Variants in MAP3K5 observed in about 807,000 individuals in gnomAD.
MAP3K5 encodes the protein mitogen-activated protein kinase kinase kinase 5.
MAP3K5 carries 56 observed loss-of-function variants against 158.7 expected under a neutral mutation model. The ratio of observed to expected loss-of-function variants is 0.35; its 90% CI spans 0.28 to 0.44. The LOEUF is 0.44. Among genes scored for constraint, MAP3K5 ranks in the 20% least tolerant of loss-of-function variants. The pLI, the probability that MAP3K5 is intolerant of heterozygous loss-of-function variation, is 1.00. For synonymous variants in MAP3K5, 579 were observed against 601.7 expected (o/e 0.96, Z 0.55); for missense variants, 1,294 against 1,674.8 (o/e 0.77, Z 3.97).
intron 1 of MAP3K5, among the ~76,000 whole-genome samples, chr6:136,725,983 C>T (rs1781948045): frequency 6.6e-6 from 1 of 152,162 alleles, no homozygotes; most frequent in Admixed American, 6.5e-5. Context: ...GGTGGGTTTT[C>T]TTCTGGATTC....
intron 2 of MAP3K5, among the ~76,000 whole-genome samples, chr6:136,719,938 T>A (rs982286544): frequency 2.0e-5 from 3 of 152,204 alleles, no homozygotes; most frequent in Non-Finnish European, 2.9e-5. Context: ...GAGAATGACA[T>A]CGAGACAGGT....
At chr6:136,663,122 C>T (rs59083613) in intron 8 of MAP3K5, among the ~76,000 whole-genome samples, 5 of 151,992 alleles carry the variant, frequency 3.3e-5, no homozygotes, top group Middle Eastern at 3.2e-3. Flanking sequence ...TACACCACCA[C>T]GATGAGTTAG....
intron 1 of MAP3K5, among the ~76,000 whole-genome samples, chr6:136,754,297 G>A (rs957860573): frequency 6.6e-6 from 1 of 151,656 alleles, no homozygotes; most frequent in Non-Finnish European, 1.5e-5. Context: ...GAAAATCCCA[G>A]GCTGGGTGCA....
Position 136,656,718 on chromosome 6 carries a change from G to A in MAP3K5, c.1527-258C>T, listed in dbSNP as rs556530087. ...CGGCTCACTGCAAGCTCCGCCTGCC[G>A]GGTTCATGCCATTCTGCCTCAGCCT... On this transcript the variant is annotated intron_variant, in intron 9 of 29. Coordinates refer to ENST00000359015, the MANE Select transcript of MAP3K5 (RefSeq NM_005923.4). Among the ~76,000 whole-genome samples the A allele has an allele frequency of 1.3e-3, 193 of 151,840 alleles. 1 individual carries two copies. The highest frequency in any genetic ancestry group is 4.3e-3 in the African/African-American group (180 of 41,380).
chr6:136,690,785 T>C (rs1242938406), intron 7 of MAP3K5, among the ~76,000 whole-genome samples: 2 of 152,182 alleles, frequency 1.3e-5, no homozygotes, highest in Non-Finnish European at 2.9e-5. Flanking sequence ...TATTCATATA[T>C]TTATCATTTC....
Position 136,792,410 on chromosome 6 carries a change from G to C in MAP3K5, c.-253C>G, listed in dbSNP as rs1338071941. ...CCCTCTGCAGAGTTTAGAGTACAAG[G>C]GGTGGGGAAGCCGGGTGAGCGGGAA... On this transcript the variant is annotated 5_prime_UTR_variant, in exon 1 of 30. Transcript: ENST00000359015. The surrounding 1 kb of genome is among the most constrained non-coding windows in gnomAD (Gnocchi z 5.7). 8 of 988,200 alleles carry C rather than the reference G, an allele frequency of 8.1e-6. No individual in the cohort carries two copies. Among genetic ancestry groups the C allele is most frequent in the Non-Finnish European group, 9.6e-6 (8 of 832,018 alleles). The allele number at this position is 988,200 out of a possible 1,614,324, so 61.2% of individuals were successfully genotyped here.
chr6:136,676,949 G>GCCC (rs1197143429), intron 7 of MAP3K5, among the ~76,000 whole-genome samples: 2 of 150,580 alleles, frequency 1.3e-5, no homozygotes, highest in Non-Finnish European at 3.0e-5. Flanking sequence ...ACGCCACCAC[G>GCCC]CCCAGCTAAT....
chr6:136,583,331 T>C (rs998353367), intron 24 of MAP3K5, among the ~76,000 whole-genome samples: 1 of 152,238 alleles, frequency 6.6e-6, no homozygotes, highest in East Asian at 1.9e-4. Context: ...TTATTTTCCA[T>C]GGTGATTTGG....
intron 10 of MAP3K5, among the ~76,000 whole-genome samples, chr6:136,653,438 C>T (rs1778605667): frequency 6.6e-6 from 1 of 152,130 alleles, no homozygotes; most frequent in Non-Finnish European, 1.5e-5. Flanking sequence ...TGTTATCATC[C>T]TAATCAACAC....
At chr6:136,593,461 T>A (rs1011201348) in intron 21 of MAP3K5, among the ~76,000 whole-genome samples, 8 of 152,168 alleles carry the variant, frequency 5.3e-5, no homozygotes, top group Non-Finnish European at 8.8e-5. Context: ...GGGCCCACCA[T>A]CCATTGCCCA....
At chr6:136,767,697 T>C (rs1207665392) in intron 1 of MAP3K5, among the ~76,000 whole-genome samples, 1 of 152,158 alleles carries the variant, frequency 6.6e-6, no homozygotes, top group Non-Finnish European at 1.5e-5. Flanking sequence ...AAGCCTAAAA[T>C]TCATATGGAA....
chr6:136,607,975 A>AG (rs1776171511), intron 18 of MAP3K5, among the ~76,000 whole-genome samples: 1 of 152,214 alleles, frequency 6.6e-6, no homozygotes, highest in South Asian at 2.1e-4. Context: ...CATGGTAAAT[A>AG]GGGTGTTCAT....
At chr6:136,698,373 C>T in intron 4 of MAP3K5, 116 bp downstream of exon 4, 3 of 746,878 alleles carry the variant, frequency 4.0e-6, no homozygotes, top group South Asian at 2.0e-5. Flanking sequence ...AAACATTTTC[C>T]CCCTAGTTCT....
chr6:136,729,973 G>A (rs1249757873), intron 1 of MAP3K5, among the ~76,000 whole-genome samples: 2 of 152,086 alleles, frequency 1.3e-5, no homozygotes, highest in African/African-American at 4.8e-5. Context: ...ACACAAGGGA[G>A]GTTTTGTGGT....
rs549628907 is a variant in MAP3K5, at chr6:136,675,106, G to A, written c.1254-5711C>T. 7.9e-5 allele frequency among the ~76,000 whole-genome samples: 12 copies of A among 151,674 alleles called. No homozygotes were observed. In the South Asian group the frequency reaches 1.7e-3, roughly 21 times the overall value. On this transcript the variant is annotated intron_variant, in intron 7 of 29. Coordinates refer to ENST00000359015, the MANE Select transcript of MAP3K5 (RefSeq NM_005923.4). ...AATTATTATAAGAGAAAAAAGGAAC[G>A]TTTCATAATGATAAAGAGGTAAATT...
At chr6:136,574,921 C>T (rs1774538816) in intron 25 of MAP3K5, among the ~76,000 whole-genome samples, 1 of 151,678 alleles carries the variant, frequency 6.6e-6, no homozygotes, top group African/African-American at 2.4e-5. Context: ...GATCTCCTGA[C>T]CTCGTGATCC....
chr6:136,629,518 A>G (rs1373369761), intron 14 of MAP3K5, among the ~76,000 whole-genome samples: 3 of 150,948 alleles, frequency 2.0e-5, no homozygotes, highest in African/African-American at 4.9e-5. Context: ...GCAGTGGCAC[A>G]ATCTCAGCTC....
rs537039295 is a variant in MAP3K5, at chr6:136,707,521, T to C, written c.589-2388A>G. Among the ~76,000 whole-genome samples the C allele has an allele frequency of 4.6e-5, 7 of 151,512 alleles. No homozygotes were observed. The East Asian group carries it at 1.2e-3, about 25-fold the overall frequency. Reference sequence around the variant, plus strand: ...CAGGGAGCTAAAGAAGACAGTTCAGTTGGGGACCTATGGAAGAGTGAATTA... The same window carrying C: ...CAGGGAGCTAAAGAAGACAGTTCAGCTGGGGACCTATGGAAGAGTGAATTA... On this transcript the variant is annotated intron_variant, in intron 2 of 29. Transcript: ENST00000359015.
At position 136,737,037 on chromosome 6, in the gene MAP3K5, G is replaced by GTGTATATATATATATATATA. The variant is rs759947051; in HGVS notation, c.449-16449_449-16448insTATATATATATATATATACA. Among the ~76,000 whole-genome samples, 143 of 126,946 alleles carry GTGTATATATATATATATATA rather than the reference G, an allele frequency of 1.1e-3. 1 individual carries two copies. Among genetic ancestry groups the GTGTATATATATATATATATA allele is most frequent in the African/African-American group, 5.2e-3 (137 of 26,424 alleles). The allele number at this position is 126,946 out of a possible 152,430, so 83.3% of individuals were successfully genotyped here. On this transcript the variant is annotated intron_variant, in intron 1 of 29. Transcript: ENST00000359015. ...TAATTTTACATATATATATGTGTGT[G>GTGTATATATATATATATATA]TATATATATATATATATATAAACTT...
Sources: gnomAD v4.1 joint callset for allele counts (sites outside exome capture counted in the v4.1 genomes callset) on GRCh38, gnomAD v4.1.1 for gene constraint, Gnocchi (gnomAD v3.1) non-coding constraint, MANE v1.5 for transcripts, NCBI Gene and HGNC (gene_info 2026-07-23, HGNC 2026-07-21) for gene names.